The following DYNC2H1 variants were observed in gnomAD, a reference collection of about 807,000 sequenced individuals.
The protein encoded by DYNC2H1 is dynein cytoplasmic 2 heavy chain 1.
Under a neutral mutation model 570.0 loss-of-function variants are expected in DYNC2H1, and 410 were observed. That is an observed-to-expected ratio of 0.72 (90% confidence interval 0.66 to 0.78). The LOEUF (loss-of-function observed/expected upper bound fraction) is 0.78, where lower values mean the gene tolerates loss of function less well. Among genes scored for constraint, DYNC2H1 ranks in the 30% least tolerant of loss-of-function variants. DYNC2H1 has a pLI of 0.00. For missense variants in DYNC2H1, 4,865 were observed against 5,046.4 expected, an observed-to-expected ratio of 0.96 and a Z score of 1.09; for synonymous variants, 1,688 against 1,677.6, an observed-to-expected ratio of 1.01 and a Z score of -0.15.
chr11:103,434,997 A>C (rs1944012207), intron 84 of DYNC2H1, among the ~76,000 whole-genome samples: 1 of 152,148 alleles, frequency 6.6e-6, no homozygotes, highest in South Asian at 2.1e-4. Context: ...CAAGAGGCAA[A>C]GTGTCAAAGG....
intron 63 of DYNC2H1, among the ~76,000 whole-genome samples, chr11:103,238,478 A>C (rs1024342142): frequency 6.6e-6 from 1 of 152,008 alleles, no homozygotes; most frequent in African/African-American, 2.4e-5. Flanking sequence ...CTGAGACAGG[A>C]GAATTGCTTG....
chr11:103,343,973 G>T (rs188570602), intron 82 of DYNC2H1, among the ~76,000 whole-genome samples: 12 of 152,152 alleles, frequency 7.9e-5, no homozygotes, highest in Non-Finnish European at 1.6e-4. Context: ...TAAATTCAGG[G>T]AAATGATAAA....
intron 3 of DYNC2H1, 136 bp from the exon 4 acceptor site, chr11:103,115,041 G>GA: frequency 1.9e-6 from 1 of 518,318 alleles, no homozygotes. Context: ...GAAACAATAA[G>GA]GAAGTGTCAC....
At chr11:103,365,394 A>G (rs1312150296) in intron 83 of DYNC2H1, among the ~76,000 whole-genome samples, 1 of 151,884 alleles carries the variant, frequency 6.6e-6, no homozygotes, top group Non-Finnish European at 1.5e-5. Context: ...GGCCTTTTGT[A>G]ATTAAATTAG....
intron 84 of DYNC2H1, chr11:103,409,672 T>C (rs1163940097): frequency 1.9e-5 from 3 of 154,592 alleles, no homozygotes; most frequent in African/African-American, 7.2e-5. Context: ...TCTAAGATTC[T>C]ATCTTGGACA....
chr11:103,347,367 A>G (rs983070662), intron 82 of DYNC2H1, among the ~76,000 whole-genome samples: 1 of 152,214 alleles, frequency 6.6e-6, no homozygotes, highest in African/African-American at 2.4e-5. Context: ...ACTGGGTATT[A>G]TGTGATGCCA....
chr11:103,113,859 T>G (rs1336704927), intron 2 of DYNC2H1, among the ~76,000 whole-genome samples, 152 bp downstream of exon 2: 12 of 152,172 alleles, frequency 7.9e-5, no homozygotes. Context: ...TAAATTTTAA[T>G]GTAAGTTGTG....
intron 87 of DYNC2H1, among the ~76,000 whole-genome samples, chr11:103,460,488 T>C (rs12417861): frequency 0.19 from 21,050 of 112,118 alleles, 1,811 homozygotes; most frequent in Admixed American, 0.29. Flanking sequence ...GTGGGTGGGG[T>C]GGGGGGTGGG....
At chr11:103,397,807 A>G (rs567658049) in intron 83 of DYNC2H1, among the ~76,000 whole-genome samples, 44 of 152,292 alleles carry the variant, frequency 2.9e-4, no homozygotes, top group Non-Finnish European at 5.7e-4. Flanking sequence ...AGGTGGGAGG[A>G]TCACCTGAGC....
At chr11:103,191,660 G>C in intron 46 of DYNC2H1, 41 bp downstream of exon 46, 2 of 1,310,892 alleles carry the variant, frequency 1.5e-6, no homozygotes, top group Non-Finnish European at 2.1e-6. Flanking sequence ...GTGTGTGTGT[G>C]TGCACATTTA....
chr11:103,223,339 T>G (rs1333124013), intron 59 of DYNC2H1, among the ~76,000 whole-genome samples: 1 of 152,138 alleles, frequency 6.6e-6, no homozygotes, highest in Non-Finnish European at 1.5e-5. Context: ...AAAAGTTCCT[T>G]TAGAAGGAGC....
intron 87 of DYNC2H1, among the ~76,000 whole-genome samples, chr11:103,458,152 G>GT (rs1944862281): frequency 1.3e-5 from 2 of 152,128 alleles, no homozygotes; most frequent in African/African-American, 2.4e-5. Context: ...TCCATTCATG[G>GT]TAAGTGCCCT....
At position 103,439,820 on chromosome 11, in the gene DYNC2H1, A is replaced by C. The variant is rs752411803; in HGVS notation, c.12456+3788A>C. Among the ~76,000 whole-genome samples the C allele has an allele frequency of 3.3e-5, 5 of 152,128 alleles. No individual in the cohort carries two copies. Among genetic ancestry groups the C allele is most frequent in the Non-Finnish European group, 7.3e-5 (5 of 68,036 alleles). On this transcript the variant is annotated intron_variant, in intron 85 of 88. Coordinates refer to ENST00000375735, the MANE Select transcript of DYNC2H1 (RefSeq NM_001377.3). This position sits in a 1 kb window ranked among gnomAD's most constrained non-coding sequence, Gnocchi z 4.1. Reference sequence around the variant, plus strand: ...AACAAAGGAATTAACAAATGAATGGACTGGACAGATTACTCTCTTTGGGGA... The same window carrying C: ...AACAAAGGAATTAACAAATGAATGGCCTGGACAGATTACTCTCTTTGGGGA...
intron 82 of DYNC2H1, among the ~76,000 whole-genome samples, chr11:103,354,887 T>C (rs1940261767): frequency 6.6e-6 from 1 of 151,972 alleles, no homozygotes. Flanking sequence ...TTGGGATTCT[T>C]TGACTTTTCT....
Position 103,155,415 on chromosome 11 carries a change from C to T in DYNC2H1, c.3658C>T (p.Pro1220Ser). The T allele has an allele frequency of 6.2e-7, 1 of 1,611,470 alleles. No homozygotes were observed. The highest frequency in any genetic ancestry group is 2.2e-5 in the East Asian group (1 of 44,726). Residue 1220 changes from proline to serine, a missense_variant, in exon 25 of 89, where the codon CCT becomes TCT. Physicochemically the swap from Pro to Ser is moderately conservative, Grantham distance 74 (BLOSUM62 -1). Transcript: ENST00000375735. ...TGACCTTTTTCGTCTCCTTGGACTT[C>T]CTAGGGGGACTAGTCTAGAGAAACT... The part of the protein sequence containing the change: ...WLDLFRLLGL[P>S]RGTSLEKLLF...
At chr11:103,309,289 C>T (rs1422413473) in intron 78 of DYNC2H1, among the ~76,000 whole-genome samples, 1 of 149,984 alleles carries the variant, frequency 6.7e-6, no homozygotes, top group Non-Finnish European at 1.5e-5. Flanking sequence ...ATCCTCCCAC[C>T]TCAGCTTTCT....
intron 87 of DYNC2H1, among the ~76,000 whole-genome samples, chr11:103,457,251 T>G (rs1309943374): frequency 6.6e-6 from 1 of 152,228 alleles, no homozygotes; most frequent in Non-Finnish European, 1.5e-5. Context: ...GTATTTACTA[T>G]ATAATACCTT....
rs991691015 is a variant in DYNC2H1 at position 103,244,257 on chromosome 11, G to A, written c.9918+466G>A. On this transcript the variant is annotated intron_variant, in intron 64 of 88. Coordinates refer to ENST00000375735, the MANE Select transcript of DYNC2H1 (RefSeq NM_001377.3). The surrounding 1 kb of genome is among the most constrained non-coding windows in gnomAD (Gnocchi z 4.3). ...ACATCTTTAATGTATCCCAAGATTT[G>A]ATAATTGTTCAGTGAAATATAATCA... Among the ~76,000 whole-genome samples the A allele has an allele frequency of 1.3e-5, 2 of 151,982 alleles. No homozygotes were observed. Among genetic ancestry groups the A allele is most frequent in the Non-Finnish European group, 2.9e-5 (2 of 67,918 alleles).
chr11:103,119,118 T>C (rs1215511908), intron 6 of DYNC2H1, among the ~76,000 whole-genome samples: 1 of 152,236 alleles, frequency 6.6e-6, no homozygotes, highest in African/African-American at 2.4e-5. Flanking sequence ...TTTATCACTT[T>C]AGAACAATGA....
Sources: allele counts gnomAD v4.1 joint callset (sites outside exome capture counted in the v4.1 genomes callset), GRCh38; gene constraint gnomAD v4.1.1; non-coding constraint Gnocchi (gnomAD v3.1); transcripts MANE v1.5; gene names NCBI Gene and HGNC (gene_info 2026-07-23, HGNC 2026-07-21).